The following CDH12 variants were observed in gnomAD, a reference collection of about 807,000 sequenced individuals.
The protein encoded by CDH12 is cadherin 12.
A neutral mutation model predicts 74.1 loss-of-function variants in CDH12; 41 were observed. The observed-to-expected ratio is 0.55, with a 90% CI of 0.43 to 0.72. CDH12 has a LOEUF of 0.72. CDH12 is among the 30% of genes least tolerant of loss of function. The pLI is 0.00. For synonymous variants in CDH12, 399 were observed against 355.0 expected, an observed-to-expected ratio of 1.12 and a Z score of -1.39; for missense variants, 945 against 977.2, an observed-to-expected ratio of 0.97 and a Z score of 0.44.
chr5:22,214,531 G>A (rs1201666945), intron 3 of CDH12, among the ~76,000 whole-genome samples: 1 of 152,136 alleles, frequency 6.6e-6, no homozygotes, highest in African/African-American at 2.4e-5. Context: ...CACAATACTT[G>A]TAAATAACAG....
chr5:22,375,068 T>C (rs1245065351), intron 3 of CDH12, among the ~76,000 whole-genome samples: 1 of 152,146 alleles, frequency 6.6e-6, no homozygotes, highest in Non-Finnish European at 1.5e-5. Context: ...AAAGCTATAA[T>C]AATCAAAACA....
chr5:21,963,450 T>C lies in CDH12; in HGVS notation c.526+11641A>G, dbSNP rs546815915. ...TTTTAGAGTCTGCCTCCTTGTTTAA[T>C]GGGAGAAAAAGTGCCCCTAGTCACA... On this transcript the variant is annotated intron_variant, in intron 6 of 14. Transcript: ENST00000382254. 3.3e-5 allele frequency among the ~76,000 whole-genome samples: 5 copies of C among 152,268 alleles called. No individual in the cohort carries two copies. In the East Asian group the frequency reaches 7.7e-4, roughly 23 times the overall value.
At chr5:22,822,343 C>T (rs1465991235) in intron 1 of CDH12, among the ~76,000 whole-genome samples, 1 of 152,170 alleles carries the variant, frequency 6.6e-6, no homozygotes, top group East Asian at 1.9e-4. Flanking sequence ...ATGTCTAAAA[C>T]ACCAAAAGCA....
chr5:22,434,251 A>G (rs913075027), intron 2 of CDH12, among the ~76,000 whole-genome samples: 1 of 152,054 alleles, frequency 6.6e-6, no homozygotes, highest in African/African-American at 2.4e-5. Context: ...GAAAAGTCAA[A>G]TCAGAATAGG....
chr5:21,776,387 A>G (rs779699549), intron 11 of CDH12, among the ~76,000 whole-genome samples: 17 of 152,198 alleles, frequency 1.1e-4, no homozygotes, highest in Non-Finnish European at 2.4e-4. Context: ...AATTTGTAAC[A>G]TAGCATAAGT....
intron 1 of CDH12, among the ~76,000 whole-genome samples, chr5:22,719,266 C>T (rs1489230878): frequency 3.3e-5 from 5 of 151,970 alleles, no homozygotes; most frequent in Non-Finnish European, 7.4e-5. Context: ...AAGTATAGTG[C>T]TAAATGTATA....
At position 21,851,557 on chromosome 5, in the gene CDH12, T is replaced by C. The variant is rs573519343; in HGVS notation, c.646+3114A>G. Among the ~76,000 whole-genome samples, 10 of 151,250 alleles carry C rather than the reference T, an allele frequency of 6.6e-5. No individual in the cohort carries two copies. In the East Asian group the frequency reaches 1.9e-3, roughly 29 times the overall value. On this transcript the variant is annotated intron_variant, in intron 7 of 14. Coordinates refer to ENST00000382254, the MANE Select transcript of CDH12 (RefSeq NM_004061.5). ...AACATAATTGTTTAATGTTTTATAG[T>C]TGTAGCTACATTTTGAGTGTTTTAA...
At chr5:22,756,097 C>CG (rs1745885820) in intron 1 of CDH12, among the ~76,000 whole-genome samples, 4 of 82,332 alleles carry the variant, frequency 4.9e-5, no homozygotes, top group African/African-American at 9.2e-5. Flanking sequence ...CTTCAAGGAC[C>CG]GAAAAAAAAA....
intron 9 of CDH12, among the ~76,000 whole-genome samples, chr5:21,805,901 T>C (rs573269562): frequency 6.6e-6 from 1 of 152,252 alleles, no homozygotes; most frequent in African/African-American, 2.4e-5. Context: ...TTGGAGCCCA[T>C]TTAATGGTTA....
chr5:21,886,773 A>G (rs1752656619), intron 6 of CDH12, among the ~76,000 whole-genome samples: 1 of 151,556 alleles, frequency 6.6e-6, no homozygotes, highest in South Asian at 2.1e-4. Flanking sequence ...TGTTGGGGGA[A>G]GTGGTTTAGG....
intron 4 of CDH12, among the ~76,000 whole-genome samples, chr5:22,167,982 T>C (rs1748784672): frequency 6.6e-6 from 1 of 152,100 alleles, no homozygotes. Context: ...AGGTTCTTTT[T>C]CCTCTCAATA....
At chr5:22,096,219 C>T (rs1304519090) in intron 4 of CDH12, among the ~76,000 whole-genome samples, 1 of 152,142 alleles carries the variant, frequency 6.6e-6, no homozygotes, top group Non-Finnish European at 1.5e-5. Flanking sequence ...CCAATACAAA[C>T]TCGACAGTAG....
In CDH12 at chr5:22,450,261, T is replaced by C. The variant is rs1561413130; in HGVS notation, c.-427-44910A>G. ...GTTAGTGGCTACATGATATGTAGCA[T>C]GTTCTTGCCATACATCAAGTATTTG... On this transcript the variant is annotated intron_variant, in intron 2 of 14. Transcript: ENST00000382254. Among the ~76,000 whole-genome samples, 8 of 152,084 alleles carry C rather than the reference T, an allele frequency of 5.3e-5. No homozygotes were observed. The South Asian group carries it at 1.7e-3, about 32-fold the overall frequency.
chr5:22,011,771 A>G (rs571705369), intron 5 of CDH12, among the ~76,000 whole-genome samples: 15 of 152,336 alleles, frequency 9.8e-5, no homozygotes, highest in Non-Finnish European at 2.1e-4. Context: ...TGAAATAAGC[A>G]AATATGCAAA....
intron 4 of CDH12, among the ~76,000 whole-genome samples, chr5:22,104,469 T>C (rs1234077165): frequency 6.6e-6 from 1 of 151,480 alleles, no homozygotes; most frequent in African/African-American, 2.4e-5. Flanking sequence ...AAGAAAGACC[T>C]GAGTGTGAAA....
chr5:21,914,135 CACTATCAAT>C (rs1370661601), intron 6 of CDH12, among the ~76,000 whole-genome samples: 16 of 152,264 alleles, frequency 1.1e-4, no homozygotes, highest in African/African-American at 3.6e-4. Context: ...ATGGCATAGA[CACTATCAAT>C]ACTTTATAAG....
intron 3 of CDH12, among the ~76,000 whole-genome samples, chr5:22,343,574 C>A (rs183866646): frequency 3.3e-5 from 5 of 152,140 alleles, no homozygotes; most frequent in Admixed American, 6.5e-5. Context: ...CCCGCCACCA[C>A]GCCCAGCTAA....
chr5:22,719,130 A>G (rs1258011132), intron 1 of CDH12, among the ~76,000 whole-genome samples: 1 of 152,124 alleles, frequency 6.6e-6, no homozygotes. Context: ...AAGTGAGGGC[A>G]GTCTTGTGGG....
intron 1 of CDH12, among the ~76,000 whole-genome samples, chr5:22,737,213 T>G (rs1744773936): frequency 6.6e-6 from 1 of 151,946 alleles, no homozygotes; most frequent in Non-Finnish European, 1.5e-5. Flanking sequence ...ATCTTTAATC[T>G]GAATATAGGC....
Sources: allele counts gnomAD v4.1 joint callset (sites outside exome capture counted in the v4.1 genomes callset), GRCh38; gene constraint gnomAD v4.1.1; transcripts MANE v1.5; gene names NCBI Gene and HGNC (gene_info 2026-07-23, HGNC 2026-07-21).